The following COL5A3 variants were observed in gnomAD, a reference collection of about 807,000 sequenced individuals.
COL5A3 encodes collagen type V alpha 3 chain, also known as collagen alpha-3(V) chain.
COL5A3 carries 172 observed loss-of-function variants against 250.0 expected under a neutral mutation model. The ratio of observed to expected loss-of-function variants is 0.69; its 90% CI spans 0.61 to 0.78. COL5A3 has a LOEUF of 0.78. Among genes scored for constraint, COL5A3 ranks in the 30% least tolerant of loss-of-function variants. The pLI, the probability that COL5A3 is intolerant of heterozygous loss-of-function variation, is 0.00. For missense variants in COL5A3, 2,340 were observed against 2,334.4 expected, an observed-to-expected ratio of 1.00 and a Z score of -0.05; for synonymous variants, 937 against 900.4, an observed-to-expected ratio of 1.04 and a Z score of -0.73.
At position 9,968,898 on chromosome 19, in the gene COL5A3, A is replaced by G. The variant is rs2086791497; in HGVS notation, c.4153-170T>C. 3.0e-6 allele frequency: 2 copies of G among 673,746 alleles called. No homozygotes were observed. Among genetic ancestry groups the G allele is most frequent in the Non-Finnish European group, 5.2e-6 (2 of 385,726 alleles). 41.7% of individuals were successfully genotyped at this position (673,746 alleles called of 1,614,324 possible). On this transcript the variant is annotated intron_variant, in intron 57 of 66. Coordinates refer to ENST00000264828, the MANE Select transcript of COL5A3 (RefSeq NM_015719.4). This position sits in a 1 kb window ranked among gnomAD's most constrained non-coding sequence, Gnocchi z 4.1. ...CCACCAAGGTGGGATGATGAGAGCT[A>G]ATGAGGGGTTGACTGGAGGATGGAC...
At chr19:9,994,509 G>A (rs1451225684) in intron 16 of COL5A3, among the ~76,000 whole-genome samples, 1 of 142,942 alleles carries the variant, frequency 7.0e-6, no homozygotes, top group Non-Finnish European at 1.5e-5. Flanking sequence ...TTATTTTTTT[G>A]AGATGGCGTC....
chr19:9,966,297 A>T lies in COL5A3; in HGVS notation c.4782+17T>A. On this transcript the variant is annotated intron_variant, in intron 64 of 66. Coordinates refer to ENST00000264828, the MANE Select transcript of COL5A3 (RefSeq NM_015719.4). ...AGCACTTCCTGGGGGAGGCGATGAG[A>T]GGTTTGGGTTACTCACGATCTCAAA... is the stretch of plus-strand genomic sequence containing the variant. 1.9e-6 allele frequency: 3 copies of T among 1,585,154 alleles called. No individual in the cohort carries two copies. The highest frequency in any genetic ancestry group is 1.7e-6 in the Non-Finnish European group (2 of 1,157,758).
chr19:9,979,319 C>A, intron 38 of COL5A3, 45 bp downstream of exon 38: 1 of 1,611,710 alleles, frequency 6.2e-7, no homozygotes. Flanking sequence ...CTAAATATCC[C>A]CCAACTGGTA....
intron 8 of COL5A3, 25 bp from the exon 9 acceptor site, chr19:9,998,174 A>G (rs3745594): frequency 0.22 from 343,606 of 1,596,488 alleles, 43,880 homozygotes; most frequent in African/African-American, 0.61. Context: ...GGGGAGATGG[A>G]GAGAAAAGAG....
intron 11 of COL5A3, 111 bp downstream of exon 11, chr19:9,997,260 C>T (rs988215485): frequency 8.6e-6 from 7 of 811,486 alleles, no homozygotes; most frequent in East Asian, 2.6e-5. Context: ...GTGCCAGCCC[C>T]GGGATGGTGT....
chr19:9,974,294 C>CTTA lies in COL5A3; in HGVS notation c.3450+6_3450+7insTAA. The stretch of plus-strand genomic sequence containing the variant: ...CAGAAGTGCCACCCCCAAACCCAGA[C>CTTA]ACCCACCTGCAGTCCAGGAGGGCCA... On this transcript the variant is annotated splice_region_variant and intron_variant, in intron 46 of 66. Coordinates refer to ENST00000264828, the MANE Select transcript of COL5A3 (RefSeq NM_015719.4). 1 of 1,609,756 alleles carries CTTA rather than the reference C, an allele frequency of 6.2e-7. No homozygotes were observed. The highest frequency in any genetic ancestry group is 8.5e-7 in the Non-Finnish European group (1 of 1,177,702).
chr19:9,970,787 G>A (rs2086834194), intron 53 of COL5A3, 112 bp from the exon 54 acceptor site: 3 of 1,048,588 alleles, frequency 2.9e-6, no homozygotes, highest in East Asian at 3.1e-5. Context: ...CCCCAGCACC[G>A]GGTACTCCCA....
At chr19:9,996,551 G>A (rs1044199108) in intron 12 of COL5A3, 35 bp from the exon 13 acceptor site, 2 of 1,613,360 alleles carry the variant, frequency 1.2e-6, no homozygotes, top group African/African-American at 2.7e-5. Flanking sequence ...AAGCCCCCAG[G>A]AGAGGCCCCC....
intron 18 of COL5A3, 59 bp downstream of exon 18, chr19:9,993,560 G>T (rs1388819154): frequency 1.6e-5 from 25 of 1,593,902 alleles, no homozygotes; most frequent in Non-Finnish European, 2.0e-5. Flanking sequence ...GGAGAAGTTG[G>T]GGGGGCTTGA....
chr19:10,004,669 T>C (rs8112026), intron 4 of COL5A3, among the ~76,000 whole-genome samples: 23,670 of 152,000 alleles, frequency 0.16, 2,015 homozygotes, highest in Middle Eastern at 0.24. Context: ...TGGCTTGTTG[T>C]GGGAAGAGCT....
At chr19:9,972,234 T>C (rs965461938) in intron 51 of COL5A3, among the ~76,000 whole-genome samples, 2 of 152,264 alleles carry the variant, frequency 1.3e-5, no homozygotes, top group Non-Finnish European at 1.5e-5. Context: ...CATATTCATA[T>C]ATCCACTGAT....
chr19:9,993,558 TG>T (rs1019282220), intron 18 of COL5A3, 60 bp downstream of exon 18: 28 of 1,592,044 alleles, frequency 1.8e-5, no homozygotes, highest in Non-Finnish European at 2.3e-5. Flanking sequence ...AGGGAGAAGT[TG>T]GGGGGGCTTG....
In COL5A3 at chr19:9,985,880, G is replaced by GAT. The variant is rs2087092457; in HGVS notation, c.2367_2368insAT (p.Pro790IlefsTer26). On this transcript the variant is annotated frameshift_variant, in exon 31 of 67. Coordinates refer to ENST00000264828, the MANE Select transcript of COL5A3 (RefSeq NM_015719.4). LOFTEE classifies it high-confidence loss of function. ...CGTCCTGGATAACCTGGGAGGCCTG[G>GAT]CACCCCAAGCTTGCCCTGCAGAAAG... 18 of 1,613,852 alleles carry GAT rather than the reference G, an allele frequency of 1.1e-5. No individual in the cohort carries two copies. Among genetic ancestry groups the GAT allele is most frequent in the Non-Finnish European group, 1.4e-5 (17 of 1,179,956 alleles).
intron 27 of COL5A3, among the ~76,000 whole-genome samples, chr19:9,987,989 C>G (rs1179472928): frequency 1.3e-5 from 2 of 152,058 alleles, no homozygotes; most frequent in African/African-American, 4.8e-5. Context: ...AATCCCAGCA[C>G]TTTGAGAGGC....
intron 47 of COL5A3, 85 bp from the exon 48 acceptor site, chr19:9,974,057 C>G (rs1171941656): frequency 1.3e-6 from 2 of 1,509,854 alleles, no homozygotes; most frequent in Admixed American, 2.0e-5. Flanking sequence ...ACTGTCAATG[C>G]TGGTGACCCT....
Position 9,968,054 on chromosome 19 carries a change from A to G in COL5A3, c.4340T>C (p.Leu1447Pro). The G allele has an allele frequency of 6.3e-7, 1 of 1,590,660 alleles. No homozygotes were observed. Among genetic ancestry groups the G allele is most frequent in the Non-Finnish European group, 8.5e-7 (1 of 1,173,786 alleles). The change falls in exon 60 of 67, where the codon CTG (leucine) becomes CCG (proline). Residue 1447 changes from leucine (L) to proline (P), a missense_variant. Physicochemically the swap from Leu to Pro is moderately conservative, Grantham distance 98. Around this residue, in one of 3 missense-constraint regions of COL5A3, gnomAD observed 1,179 missense variants for 1,162.6 expected, o/e 1.01. Coordinates refer to ENST00000264828, the MANE Select transcript of COL5A3 (RefSeq NM_015719.4). The surrounding 1 kb of genome is among the most constrained non-coding windows in gnomAD (Gnocchi z 4.1). ...DPGPPGPIGS[L>P]GHPGPPGVAG... is the part of the protein sequence containing the mutation. The stretch of plus-strand genomic sequence containing the variant: ...CACACCTGGGGGCCCAGGGTGGCCC[A>G]GAGAGCCAATGGGACCAGGGGGACC...
intron 21 of COL5A3, among the ~76,000 whole-genome samples, chr19:9,992,599 A>G (rs1326846582): frequency 1.3e-5 from 2 of 152,106 alleles, no homozygotes; most frequent in Non-Finnish European, 2.9e-5. Context: ...TAACATGGTG[A>G]AACCCTGTCT....
intron 45 of COL5A3, among the ~76,000 whole-genome samples, chr19:9,975,065 T>A (rs1327997761): frequency 2.3e-4 from 35 of 150,890 alleles, no homozygotes; most frequent in African/African-American, 7.8e-4. Context: ...GCCTGGCTTT[T>A]TTTTTTTTTT....
At position 9,966,552 on chromosome 19, in the gene COL5A3, G is replaced by A. The variant is rs2086749546; in HGVS notation, c.4653C>T (p.His1551=). The change falls in exon 63 of 67, where the codon CAC becomes CAT. Residue 1551 remains histidine (H), a synonymous_variant. Transcript: ENST00000264828. ...GLVCHELHRN[H]PHLPDGEYWI... ...GGACCTCACCATCAGGCAGGTGCGG[G>A]TGGTTGCGGTGCAGCTCGTGGCACA... 2 of 1,544,196 alleles carry A rather than the reference G, an allele frequency of 1.3e-6. No individual in the cohort carries two copies. Among genetic ancestry groups the A allele is most frequent in the East Asian group, 4.9e-5 (2 of 41,052 alleles).
Sources: gnomAD v4.1 joint callset for allele counts (sites outside exome capture counted in the v4.1 genomes callset) on GRCh38, gnomAD v4.1.1 for gene constraint, gnomAD v4.1.1 regional missense constraint, Gnocchi (gnomAD v3.1) non-coding constraint, MANE v1.5 for transcripts, NCBI Gene and HGNC (gene_info 2026-07-23, HGNC 2026-07-21) for gene names.